The following FBXL17 variants were observed in gnomAD, a reference collection of about 807,000 sequenced individuals.
FBXL17 encodes the protein F-box/LRR-repeat protein 17.
Under a neutral mutation model 66.2 loss-of-function variants are expected in FBXL17, and 22 were observed. The ratio of observed to expected loss-of-function variants is 0.33; its 90% CI spans 0.24 to 0.47. The LOEUF is 0.47. Ranked by LOEUF, FBXL17 falls within the 20% of genes least tolerant of loss-of-function variation. The pLI is 1.00. For missense variants in FBXL17, 878 were observed against 948.2 expected (o/e 0.93, Z 0.97); for synonymous variants, 474 against 400.5 (o/e 1.18, Z -2.19).
intron 6 of FBXL17, among the ~76,000 whole-genome samples, chr5:108,158,509 C>CTGTGTGTGTGTG (rs3984948): frequency 2.5e-4 from 38 of 149,304 alleles, no homozygotes; most frequent in African/African-American, 9.1e-4. Flanking sequence ...GTGTGTGTGT[C>CTGTGTGTGTGTG]TGTGTGTGTG....
At chr5:108,143,704 G>C (rs572382847) in intron 6 of FBXL17, among the ~76,000 whole-genome samples, 7 of 126,640 alleles carry the variant, frequency 5.5e-5, no homozygotes, top group African/African-American at 1.9e-4. Flanking sequence ...CTTCATACTT[G>C]TGAACTTGCT....
At chr5:107,895,828 T>C (rs942147290) in intron 7 of FBXL17, among the ~76,000 whole-genome samples, 1 of 152,138 alleles carries the variant, frequency 6.6e-6, no homozygotes, top group Non-Finnish European at 1.5e-5. Flanking sequence ...CAGGCACACA[T>C]TTCCTCCCAG....
At chr5:108,323,411 T>C (rs1055930174) in intron 4 of FBXL17, among the ~76,000 whole-genome samples, 8 of 151,920 alleles carry the variant, frequency 5.3e-5, no homozygotes, top group Admixed American at 3.9e-4. Context: ...AAAAGACTTA[T>C]ACACTGAAAA....
chr5:108,183,655 G>T (rs1333220958), intron 6 of FBXL17, among the ~76,000 whole-genome samples: 1 of 151,998 alleles, frequency 6.6e-6, no homozygotes, highest in Non-Finnish European at 1.5e-5. Flanking sequence ...TAGGATTTTG[G>T]TGCGCCCATC....
At chr5:107,933,129 G>A (rs1580724762) in intron 7 of FBXL17, among the ~76,000 whole-genome samples, 1 of 152,106 alleles carries the variant, frequency 6.6e-6, no homozygotes. Context: ...TGAATTTACA[G>A]GTTTATTCTG....
intron 3 of FBXL17, among the ~76,000 whole-genome samples, chr5:108,359,261 T>G (rs1339577742): frequency 6.6e-6 from 1 of 152,142 alleles, no homozygotes; most frequent in Non-Finnish European, 1.5e-5. Flanking sequence ...AGAACCTAGT[T>G]TGGTTTTCAA....
intron 6 of FBXL17, among the ~76,000 whole-genome samples, chr5:108,093,580 TTATCA>T (rs1277540569): frequency 6.6e-6 from 1 of 152,200 alleles, no homozygotes; most frequent in East Asian, 1.9e-4. Flanking sequence ...AAAAAGTATT[TTATCA>T]TACAGTGTTT....
At chr5:108,369,838 T>C (rs1053384102) in intron 1 of FBXL17, among the ~76,000 whole-genome samples, 1 of 152,194 alleles carries the variant, frequency 6.6e-6, no homozygotes, top group Non-Finnish European at 1.5e-5. Flanking sequence ...TAAAAGATAT[T>C]AATTTAAAGG....
At chr5:108,322,821 T>C (rs1759679407) in intron 4 of FBXL17, among the ~76,000 whole-genome samples, 1 of 151,862 alleles carries the variant, frequency 6.6e-6, no homozygotes, top group South Asian at 2.1e-4. Flanking sequence ...TCACTGAAAA[T>C]GTTATTTGAG....
chr5:108,181,822 G>A (rs543556467), intron 6 of FBXL17, among the ~76,000 whole-genome samples: 21 of 152,070 alleles, frequency 1.4e-4, no homozygotes, highest in Non-Finnish European at 2.9e-4. Flanking sequence ...AATGTCAATC[G>A]TATGTGAATC....
At chr5:108,173,141 T>C (rs1752669048) in intron 6 of FBXL17, among the ~76,000 whole-genome samples, 1 of 152,098 alleles carries the variant, frequency 6.6e-6, no homozygotes, top group Non-Finnish European at 1.5e-5. Flanking sequence ...ACAAATAGCA[T>C]CACCAAGAAA....
chr5:107,935,868 G>T (rs902589679), intron 7 of FBXL17, among the ~76,000 whole-genome samples: 4 of 152,084 alleles, frequency 2.6e-5, no homozygotes, highest in African/African-American at 9.7e-5. Context: ...CTGAAAGGGT[G>T]GGGGAAGACA....
chr5:107,929,373 T>C (rs894413419), intron 7 of FBXL17, among the ~76,000 whole-genome samples: 1 of 152,214 alleles, frequency 6.6e-6, no homozygotes, highest in South Asian at 2.1e-4. Context: ...TTATTAAATC[T>C]GATAAATTAA....
chr5:108,295,044 T>A (rs1388009183), intron 4 of FBXL17, among the ~76,000 whole-genome samples: 1 of 152,020 alleles, frequency 6.6e-6, no homozygotes, highest in Non-Finnish European at 1.5e-5. Context: ...TTAGTAGTTA[T>A]TTAGAGTGAC....
At chr5:108,340,806 GA>G (rs1746828559) in intron 4 of FBXL17, among the ~76,000 whole-genome samples, 1 of 152,116 alleles carries the variant, frequency 6.6e-6, no homozygotes, top group East Asian at 1.9e-4. Context: ...AACATTTATT[GA>G]ATGTCTATTA....
intron 6 of FBXL17, among the ~76,000 whole-genome samples, chr5:108,121,087 T>C (rs1750474935): frequency 6.6e-6 from 1 of 152,184 alleles, no homozygotes; most frequent in Non-Finnish European, 1.5e-5. Flanking sequence ...CCCAACACTT[T>C]GGGAGGCTGA....
chr5:107,887,160 C>T (rs922806278), intron 7 of FBXL17, among the ~76,000 whole-genome samples: 8 of 152,208 alleles, frequency 5.3e-5, no homozygotes, highest in East Asian at 3.9e-4. Context: ...GAAGAGCATA[C>T]GTGAACTCTA....
At chr5:108,019,116 A>G (rs1486264706) in intron 7 of FBXL17, among the ~76,000 whole-genome samples, 1 of 152,166 alleles carries the variant, frequency 6.6e-6, no homozygotes, top group Admixed American at 6.6e-5. Flanking sequence ...GAAAAACAAC[A>G]CTTACTAGCA....
intron 3 of FBXL17, among the ~76,000 whole-genome samples, chr5:108,364,208 A>T (rs187399983): frequency 3.7e-4 from 56 of 152,144 alleles, no homozygotes; most frequent in African/African-American, 1.3e-3. Context: ...CGAGCCAAGA[A>T]ACCTTAAATG....
Sources: gnomAD v4.1 joint callset for allele counts (sites outside exome capture counted in the v4.1 genomes callset) on GRCh38, gnomAD v4.1.1 for gene constraint, MANE v1.5 for transcripts, NCBI Gene and HGNC (gene_info 2026-07-23, HGNC 2026-07-21) for gene names.